Variants in VWC2L observed in about 807,000 individuals in gnomAD.
VWC2L encodes von Willebrand factor C domain containing 2 like, also known as von Willebrand factor C domain-containing protein 2-like.
A neutral mutation model predicts 21.6 loss-of-function variants in VWC2L; 10 were observed. The ratio of observed to expected loss-of-function variants is 0.46; its 90% CI spans 0.29 to 0.78. The LOEUF is 0.78. Ranked by LOEUF, VWC2L falls within the 30% of genes least tolerant of loss-of-function variation. The pLI is 0.10. For synonymous variants in VWC2L, 96 were observed against 94.3 expected (o/e 1.02, Z -0.10); for missense variants, 209 against 277.1 (o/e 0.75, Z 1.74).
At chr2:214,427,399 AAATCAAG>A (rs1702540183) in intron 2 of VWC2L, among the ~76,000 whole-genome samples, 1 of 152,196 alleles carries the variant, frequency 6.6e-6, no homozygotes, top group African/African-American at 2.4e-5. Flanking sequence ...AAAGATACTT[AAATCAAG>A]ACTCCAAAAA....
chr2:214,428,027 A>G (rs1248872187), intron 2 of VWC2L, among the ~76,000 whole-genome samples: 1 of 152,202 alleles, frequency 6.6e-6, no homozygotes. Context: ...TTCACAATGA[A>G]TATCATTATG....
At chr2:214,531,483 A>G (rs1405921554) in intron 3 of VWC2L, among the ~76,000 whole-genome samples, 2 of 152,112 alleles carry the variant, frequency 1.3e-5, no homozygotes, top group East Asian at 1.9e-4. Flanking sequence ...GCAATTTTGC[A>G]TTTTCTCTGT....
intron 3 of VWC2L, among the ~76,000 whole-genome samples, chr2:214,484,518 A>G (rs1165396052): frequency 6.6e-6 from 1 of 152,132 alleles, no homozygotes; most frequent in East Asian, 1.9e-4. Context: ...GAACAATGGC[A>G]TACACTTACC....
intron 3 of VWC2L, among the ~76,000 whole-genome samples, chr2:214,552,831 G>A (rs934028137): frequency 2.0e-5 from 3 of 151,894 alleles, no homozygotes; most frequent in South Asian, 2.1e-4. Flanking sequence ...CCTCATATTC[G>A]ACTGCTTAAT....
At chr2:214,537,426 C>T (rs377205715) in intron 3 of VWC2L, among the ~76,000 whole-genome samples, 24 of 146,434 alleles carry the variant, frequency 1.6e-4, no homozygotes, top group South Asian at 6.4e-4. Context: ...CACAAAAAGA[C>T]GAAAAAAAAA....
chr2:214,415,832 G>A (rs1288559983), intron 2 of VWC2L, among the ~76,000 whole-genome samples: 2 of 152,032 alleles, frequency 1.3e-5, no homozygotes, highest in African/African-American at 2.4e-5. Flanking sequence ...TGTTATTCTC[G>A]ACTTTTGTCT....
chr2:214,494,778 CT>C (rs58706998), intron 3 of VWC2L, among the ~76,000 whole-genome samples: 33,131 of 146,740 alleles, frequency 0.23, 3,747 homozygotes, highest in Admixed American at 0.26. Context: ...GCACTAGGTA[CT>C]TTTTTTTTTT....
chr2:214,567,575 C>CAGAGAGAGAG (rs1451478991), intron 3 of VWC2L, among the ~76,000 whole-genome samples: 20 of 127,778 alleles, frequency 1.6e-4, no homozygotes, highest in African/African-American at 5.9e-4. Context: ...CACACACACA[C>CAGAGAGAGAG]ACACACACAC....
At chr2:214,479,775 G>T (rs930930930) in intron 3 of VWC2L, among the ~76,000 whole-genome samples, 3 of 152,220 alleles carry the variant, frequency 2.0e-5, no homozygotes, top group Non-Finnish European at 4.4e-5. Flanking sequence ...TGAGCAAGAA[G>T]AGTGAGACTC....
chr2:214,522,885 C>T (rs988670087), intron 3 of VWC2L, among the ~76,000 whole-genome samples: 14 of 151,818 alleles, frequency 9.2e-5, no homozygotes, highest in Admixed American at 8.5e-4. Flanking sequence ...CAGAACAATA[C>T]GGAAAAAATA....
At chr2:214,564,483 A>G (rs1161564303) in intron 3 of VWC2L, among the ~76,000 whole-genome samples, 1 of 151,390 alleles carries the variant, frequency 6.6e-6, no homozygotes, top group Admixed American at 6.6e-5. Flanking sequence ...TTTTTTTTAT[A>G]TTTCCAGCAC....
chr2:214,463,551 C>A (rs1317493027), intron 3 of VWC2L, among the ~76,000 whole-genome samples: 1 of 151,890 alleles, frequency 6.6e-6, no homozygotes, highest in Non-Finnish European at 1.5e-5. Flanking sequence ...GGTATTTAAC[C>A]CACTTATGTT....
intron 3 of VWC2L, among the ~76,000 whole-genome samples, chr2:214,517,808 G>C (rs1173586506): frequency 6.6e-6 from 1 of 152,196 alleles, no homozygotes; most frequent in Non-Finnish European, 1.5e-5. Flanking sequence ...CTACTTAAGA[G>C]ACTGGGAGAA....
chr2:214,511,081 G>C (rs1318432380), intron 3 of VWC2L, among the ~76,000 whole-genome samples: 1 of 152,060 alleles, frequency 6.6e-6, no homozygotes, highest in African/African-American at 2.4e-5. Flanking sequence ...GAGCTTAAGA[G>C]TCTGAGACCA....
intron 3 of VWC2L, among the ~76,000 whole-genome samples, chr2:214,474,978 T>C (rs1020038913): frequency 6.6e-6 from 1 of 152,166 alleles, no homozygotes; most frequent in African/African-American, 2.4e-5. Context: ...ATGAAGGATT[T>C]CAGAGAGAAT....
At chr2:214,533,113 G>T (rs911997919) in intron 3 of VWC2L, among the ~76,000 whole-genome samples, 3 of 151,852 alleles carry the variant, frequency 2.0e-5, no homozygotes, top group African/African-American at 7.3e-5. Flanking sequence ...TATCTGATTC[G>T]TGGCTCTGCT....
chr2:214,486,074 CTGTG>C (rs138572066), intron 3 of VWC2L, among the ~76,000 whole-genome samples: 1 of 152,068 alleles, frequency 6.6e-6, no homozygotes, highest in Non-Finnish European at 1.5e-5. Context: ...GACACTCTGT[CTGTG>C]TATGTTTGTG....
At chr2:214,570,937 A>G (rs1690140663) in intron 3 of VWC2L, among the ~76,000 whole-genome samples, 1 of 152,192 alleles carries the variant, frequency 6.6e-6, no homozygotes. Flanking sequence ...TATGTCCAGC[A>G]GCAGTGAGAA....
chr2:214,440,738 A>G (rs1291932429), intron 3 of VWC2L, among the ~76,000 whole-genome samples: 1 of 152,154 alleles, frequency 6.6e-6, no homozygotes, highest in African/African-American at 2.4e-5. Flanking sequence ...TTGTTCATAC[A>G]TTCTAATATT....
Sources: gnomAD v4.1 joint callset for allele counts (sites outside exome capture counted in the v4.1 genomes callset) on GRCh38, gnomAD v4.1.1 for gene constraint, MANE v1.5 for transcripts, NCBI Gene and HGNC (gene_info 2026-07-23, HGNC 2026-07-21) for gene names.